COL25A1: variants seen among roughly 807,000 people sequenced by gnomAD.
The protein encoded by COL25A1 is collagen type XXV alpha 1 chain.
A neutral mutation model predicts 128.4 loss-of-function variants in COL25A1; 103 were observed. The ratio of observed to expected loss-of-function variants is 0.80; its 90% CI spans 0.68 to 0.94. COL25A1 has a LOEUF of 0.94. Ranked by LOEUF, COL25A1 falls within the 40% of genes least tolerant of loss-of-function variation. The probability of loss-of-function intolerance (pLI) is 0.00; values close to 1 mark genes in which losing one functional copy is unlikely to be tolerated. For synonymous variants in COL25A1, 279 were observed against 277.2 expected (o/e 1.01, Z -0.06); for missense variants, 745 against 840.0 (o/e 0.89, Z 1.40).
At chr4:108,965,209 T>C (rs1422461163) in intron 8 of COL25A1, among the ~76,000 whole-genome samples, 2 of 152,220 alleles carry the variant, frequency 1.3e-5, no homozygotes, top group African/African-American at 4.8e-5. Context: ...GAAAATTTAC[T>C]CGAATACACT....
intron 3 of COL25A1, among the ~76,000 whole-genome samples, chr4:109,062,435 T>A (rs997685002): frequency 1.6e-4 from 25 of 152,208 alleles, no homozygotes; most frequent in African/African-American, 5.3e-4. Context: ...AAGGAAAAAA[T>A]TAACTGTAGT....
chr4:109,015,827 T>C (rs1757156786), intron 5 of COL25A1, among the ~76,000 whole-genome samples: 1 of 152,262 alleles, frequency 6.6e-6, no homozygotes, highest in Non-Finnish European at 1.5e-5. Flanking sequence ...CACAGGAGTA[T>C]ACATTACTTT....
intron 3 of COL25A1, among the ~76,000 whole-genome samples, chr4:109,209,577 T>C (rs1319764117): frequency 3.3e-5 from 5 of 152,218 alleles, no homozygotes; most frequent in Non-Finnish European, 7.3e-5. Context: ...ATTGAACATG[T>C]TATTAGTAAC....
chr4:108,993,413 T>G (rs1272668091), intron 6 of COL25A1, among the ~76,000 whole-genome samples: 1 of 152,198 alleles, frequency 6.6e-6, no homozygotes, highest in African/African-American at 2.4e-5. Context: ...CATACCACAT[T>G]TTCTTTATCC....
intron 3 of COL25A1, among the ~76,000 whole-genome samples, chr4:109,175,203 G>A (rs1300770665): frequency 6.6e-6 from 1 of 152,164 alleles, no homozygotes; most frequent in African/African-American, 2.4e-5. Flanking sequence ...GGATATGGAA[G>A]GTTCTAGGGG....
At chr4:109,175,988 A>G (rs1774057328) in intron 3 of COL25A1, among the ~76,000 whole-genome samples, 1 of 152,222 alleles carries the variant, frequency 6.6e-6, no homozygotes, top group Non-Finnish European at 1.5e-5. Flanking sequence ...GAATTGTATA[A>G]TAGACCATAA....
chr4:108,868,555 G>GA (rs1241860526), intron 20 of COL25A1, among the ~76,000 whole-genome samples: 10 of 137,520 alleles, frequency 7.3e-5, no homozygotes, highest in African/African-American at 2.7e-4. Context: ...AAAAAAGAAA[G>GA]AAAGAAAGAG....
chr4:108,950,032 C>T (rs1300935780), intron 8 of COL25A1, among the ~76,000 whole-genome samples: 4 of 152,170 alleles, frequency 2.6e-5, no homozygotes, highest in Admixed American at 6.5e-5. Context: ...AAACAAGCAA[C>T]TTCAAATGTG....
At chr4:109,214,174 C>G (rs1173579772) in intron 3 of COL25A1, among the ~76,000 whole-genome samples, 1 of 151,948 alleles carries the variant, frequency 6.6e-6, no homozygotes, top group Non-Finnish European at 1.5e-5. Context: ...TAATCTGTGT[C>G]CTCAGCCTCA....
chr4:109,290,750 T>C (rs1333915271), intron 3 of COL25A1, among the ~76,000 whole-genome samples: 1 of 152,072 alleles, frequency 6.6e-6, no homozygotes, highest in South Asian at 2.1e-4. Flanking sequence ...ACATTAATGA[T>C]AGCCAATGAG....
chr4:109,149,941 T>G (rs1451501383), intron 3 of COL25A1, among the ~76,000 whole-genome samples: 1 of 151,852 alleles, frequency 6.6e-6, no homozygotes, highest in Admixed American at 6.6e-5. Context: ...TATGTGTATG[T>G]ATGTGTGTGT....
intron 3 of COL25A1, among the ~76,000 whole-genome samples, chr4:109,054,872 C>T (rs1381848567): frequency 2.0e-5 from 3 of 152,094 alleles, no homozygotes; most frequent in East Asian, 3.9e-4. Context: ...AAACCCAAGA[C>T]GCTCCTCCAC....
At chr4:108,989,409 A>G (rs13434849) in intron 6 of COL25A1, among the ~76,000 whole-genome samples, 120,879 of 152,000 alleles carry the variant, frequency 0.8, 49,226 homozygotes, top group East Asian at 1. Flanking sequence ...CCACGTAAGA[A>G]GTTTCAAGGA....
At chr4:109,098,925 G>A (rs1765646295) in intron 3 of COL25A1, among the ~76,000 whole-genome samples, 1 of 152,116 alleles carries the variant, frequency 6.6e-6, no homozygotes, top group African/African-American at 2.4e-5. Flanking sequence ...TTCACTTCTG[G>A]CTCCAGTACT....
At chr4:109,224,153 T>A (rs1778612210) in intron 3 of COL25A1, among the ~76,000 whole-genome samples, 1 of 152,168 alleles carries the variant, frequency 6.6e-6, no homozygotes. Context: ...CCAGGACTTG[T>A]GATAACAGTG....
chr4:109,293,243 C>T (rs1388820173), intron 3 of COL25A1, among the ~76,000 whole-genome samples: 1 of 152,010 alleles, frequency 6.6e-6, no homozygotes, highest in Non-Finnish European at 1.5e-5. Flanking sequence ...CTCTGGCTCC[C>T]TAACTATTGT....
chr4:108,907,262 G>C (rs534238381), intron 13 of COL25A1, among the ~76,000 whole-genome samples: 2 of 152,302 alleles, frequency 1.3e-5, no homozygotes, highest in Non-Finnish European at 2.9e-5. Flanking sequence ...CCAGGACTCT[G>C]TTGGGGGAAG....
chr4:109,268,657 G>A (rs1365169651), intron 3 of COL25A1, among the ~76,000 whole-genome samples: 7 of 152,138 alleles, frequency 4.6e-5, no homozygotes, highest in Non-Finnish European at 7.4e-5. Flanking sequence ...TGTCAATCAC[G>A]ATAACCTAAT....
chr4:108,815,739 T>C (rs1378981101), intron 37 of COL25A1, among the ~76,000 whole-genome samples: 1 of 152,162 alleles, frequency 6.6e-6, no homozygotes. Flanking sequence ...AAAAAGATGA[T>C]GCCCATTTCA....
Sources: allele counts gnomAD v4.1 joint callset (sites outside exome capture counted in the v4.1 genomes callset), GRCh38; gene constraint gnomAD v4.1.1; transcripts MANE v1.5; gene names NCBI Gene and HGNC (gene_info 2026-07-23, HGNC 2026-07-21).